CSMD3: variants seen among roughly 807,000 people sequenced by gnomAD.
CSMD3 encodes CUB and Sushi multiple domains 3, also known as CUB and sushi domain-containing protein 3.
A neutral mutation model predicts 435.2 loss-of-function variants in CSMD3; 177 were observed. The ratio of observed to expected loss-of-function variants is 0.41; its 90% CI spans 0.36 to 0.46. The LOEUF (loss-of-function observed/expected upper bound fraction) is 0.46, where lower values mean the gene tolerates loss of function less well. Ranked by LOEUF, CSMD3 falls within the 20% of genes least tolerant of loss-of-function variation. The pLI is 0.34. For synonymous variants in CSMD3, 1,656 were observed against 1,520.5 expected (o/e 1.09, Z -2.07); for missense variants, 4,265 against 4,504.6 (o/e 0.95, Z 1.52).
At chr8:112,888,677 G>T (rs775797301) in intron 10 of CSMD3, among the ~76,000 whole-genome samples, 1 of 151,604 alleles carries the variant, frequency 6.6e-6, no homozygotes, top group Non-Finnish European at 1.5e-5. Context: ...TTATTTGTTC[G>T]TTCATATCGC....
intron 3 of CSMD3, among the ~76,000 whole-genome samples, chr8:113,217,841 C>T (rs974949311): frequency 1.3e-5 from 2 of 150,604 alleles, no homozygotes; most frequent in Non-Finnish European, 3.0e-5. Flanking sequence ...TTAAAATAAT[C>T]AATCTACAGA....
At chr8:113,263,666 C>T (rs927042397) in intron 3 of CSMD3, among the ~76,000 whole-genome samples, 7 of 151,756 alleles carry the variant, frequency 4.6e-5, no homozygotes, top group Admixed American at 2.0e-4. Flanking sequence ...ATTTCTCACA[C>T]TTGGTAGCAT....
At chr8:112,517,605 C>T (rs1023763196) in intron 27 of CSMD3, among the ~76,000 whole-genome samples, 3 of 151,836 alleles carry the variant, frequency 2.0e-5, no homozygotes. Context: ...AATCCAGTTA[C>T]AAAATGAGCA....
chr8:112,577,970 T>G (rs1175453321), intron 23 of CSMD3, among the ~76,000 whole-genome samples: 1 of 152,108 alleles, frequency 6.6e-6, no homozygotes, highest in Non-Finnish European at 1.5e-5. Context: ...TGAACATATG[T>G]ATAATCATAT....
At chr8:112,691,843 C>T (rs564828991) in intron 13 of CSMD3, among the ~76,000 whole-genome samples, 1 of 152,148 alleles carries the variant, frequency 6.6e-6, no homozygotes, top group African/African-American at 2.4e-5. Flanking sequence ...CTCTGTCACC[C>T]AGGCTGAAGT....
At chr8:112,657,292 A>G (rs2075280315) in intron 17 of CSMD3, among the ~76,000 whole-genome samples, 2 of 151,984 alleles carry the variant, frequency 1.3e-5, no homozygotes, top group Non-Finnish European at 2.9e-5. Context: ...CTAAGTCCTG[A>G]CCTCAAGTGA....
intron 22 of CSMD3, among the ~76,000 whole-genome samples, chr8:112,593,563 A>G (rs553416869): frequency 2.1e-4 from 32 of 152,182 alleles, no homozygotes; most frequent in Non-Finnish European, 4.0e-4. Context: ...ATTTGTACCC[A>G]TGAGATTGAT....
intron 1 of CSMD3, among the ~76,000 whole-genome samples, chr8:113,394,209 A>T (rs2094473493): frequency 6.6e-6 from 1 of 151,620 alleles, no homozygotes; most frequent in South Asian, 2.1e-4. Flanking sequence ...TTAATGGTAA[A>T]CATACTTGGG....
In CSMD3 at chr8:112,234,420, G is replaced by A. The variant is rs2129942916; in HGVS notation, c.10685C>T (p.Pro3562Leu). 1 of 1,613,272 alleles carries A rather than the reference G, an allele frequency of 6.2e-7. No individual in the cohort carries two copies. Among genetic ancestry groups the A allele is most frequent in the Non-Finnish European group, 8.5e-7 (1 of 1,179,664 alleles). Residue 3562 changes from proline (P) to leucine (L), a missense_variant, in exon 68 of 71, where the codon CCT becomes CTT. Physicochemically the swap from Pro to Leu is moderately conservative, Grantham distance 98. This residue lies in a region of CSMD3 where 3,255 missense variants were observed against 3,380.2 expected (regional missense o/e 0.96). Coordinates refer to ENST00000297405, the MANE Select transcript of CSMD3 (RefSeq NM_198123.2). Reference protein sequence around the residue: ...LMLRIYLIKVPAHASVKKMKE... With the variant: ...LMLRIYLIKVLAHASVKKMKE... ...CATTTTCTTCACAGAAGCATGAGCA[G>A]GTACTTTAATAAGATATATGCGTAA...
chr8:112,906,591 G>A (rs2082270265), intron 10 of CSMD3, among the ~76,000 whole-genome samples: 1 of 151,322 alleles, frequency 6.6e-6, no homozygotes, highest in Admixed American at 6.6e-5. Flanking sequence ...AGTGCAATAA[G>A]GTAGGAAAAT....
At chr8:113,179,727 T>C (rs921907960) in intron 3 of CSMD3, among the ~76,000 whole-genome samples, 2 of 151,864 alleles carry the variant, frequency 1.3e-5, no homozygotes, top group Non-Finnish European at 2.9e-5. Context: ...ATTTAAATCT[T>C]GAAAGAGAGC....
intron 32 of CSMD3, among the ~76,000 whole-genome samples, chr8:112,434,622 G>A (rs1201268540): frequency 6.6e-6 from 1 of 152,052 alleles, no homozygotes; most frequent in Non-Finnish European, 1.5e-5. Flanking sequence ...ACAAAATCAC[G>A]TAATTCCACT....
intron 3 of CSMD3, among the ~76,000 whole-genome samples, chr8:113,194,082 G>C (rs551035091): frequency 1.9e-4 from 29 of 151,124 alleles, no homozygotes; most frequent in African/African-American, 7.0e-4. Context: ...AATTTTCTTT[G>C]GGGGAAAAAA....
chr8:112,525,409 GTTT>G, intron 27 of CSMD3, among the ~76,000 whole-genome samples: 1 of 150,026 alleles, frequency 6.7e-6, no homozygotes, highest in Non-Finnish European at 1.5e-5. Flanking sequence ...TAAAGTAGAA[GTTT>G]AATCCAATTA....
intron 2 of CSMD3, among the ~76,000 whole-genome samples, chr8:113,302,895 T>G (rs1296507380): frequency 1.4e-5 from 2 of 144,616 alleles, no homozygotes; most frequent in Admixed American, 1.4e-4. Flanking sequence ...AACATAGTGT[T>G]GGAAGTTCTG....
chr8:113,276,711 A>C (rs2093573628), intron 3 of CSMD3, among the ~76,000 whole-genome samples: 1 of 152,098 alleles, frequency 6.6e-6, no homozygotes, highest in South Asian at 2.1e-4. Flanking sequence ...TAGTTTTTTA[A>C]GATTATTTTA....
At chr8:112,837,398 G>C (rs2080057680) in intron 11 of CSMD3, among the ~76,000 whole-genome samples, 1 of 151,590 alleles carries the variant, frequency 6.6e-6, no homozygotes, top group Admixed American at 6.6e-5. Context: ...TCATTAGTGA[G>C]ACAGGATAAT....
chr8:112,273,725 CAA>C (rs371418820), intron 59 of CSMD3, among the ~76,000 whole-genome samples: 7 of 112,014 alleles, frequency 6.2e-5, no homozygotes, highest in Admixed American at 9.8e-5. Flanking sequence ...GACTCTGTCT[CAA>C]AAAAAAAAAA....
At chr8:112,251,292 G>A (rs1815235573) in intron 63 of CSMD3, among the ~76,000 whole-genome samples, 1 of 151,468 alleles carries the variant, frequency 6.6e-6, no homozygotes. Flanking sequence ...AAAAATTGAG[G>A]TAGCTTCTAA....
Sources: allele counts gnomAD v4.1 joint callset (sites outside exome capture counted in the v4.1 genomes callset), GRCh38; gene constraint gnomAD v4.1.1; regional missense constraint gnomAD v4.1.1; transcripts MANE v1.5; gene names NCBI Gene and HGNC (gene_info 2026-07-23, HGNC 2026-07-21).